Variants in UBE2E2 observed in about 807,000 individuals in gnomAD.
UBE2E2 encodes ubiquitin-conjugating enzyme E2 E2.
A neutral mutation model predicts 24.7 loss-of-function variants in UBE2E2; 6 were observed. That is an observed-to-expected ratio of 0.24 (90% CI 0.13 to 0.48). The LOEUF (loss-of-function observed/expected upper bound fraction) is 0.48. Among genes scored for constraint, UBE2E2 ranks in the 20% least tolerant of loss-of-function variants. The probability of loss-of-function intolerance (pLI) is 0.99; values close to 1 mark genes in which losing one functional copy is unlikely to be tolerated. For synonymous variants in UBE2E2, 104 were observed against 83.6 expected (o/e 1.24, Z -1.33); for missense variants, 169 against 245.0 (o/e 0.69, Z 2.07).
rs150426475 is a variant in UBE2E2 at position 23,521,144 on chromosome 3, G to A, written c.361-11410G>A. ...TAAAATGTATTACTCCTTTCCTGAA[G>A]GATGGAGTAATCCTGTACATTATTT... On this transcript the variant is annotated intron_variant, in intron 4 of 5. Transcript: ENST00000396703. Among the ~76,000 whole-genome samples, 85 of 152,250 alleles carry A rather than the reference G, an allele frequency of 5.6e-4. 3 individuals are homozygous for A. In the East Asian group the frequency reaches 0.015, roughly 27 times the overall value.
intron 3 of UBE2E2, among the ~76,000 whole-genome samples, chr3:23,392,667 T>C (rs916766017): frequency 6.6e-6 from 1 of 152,096 alleles, no homozygotes; most frequent in Non-Finnish European, 1.5e-5. Context: ...TAAACAAATA[T>C]ATGAAGAAGT....
chr3:23,399,309 A>G (rs1332579544), intron 3 of UBE2E2, among the ~76,000 whole-genome samples: 2 of 152,194 alleles, frequency 1.3e-5, no homozygotes, highest in African/African-American at 4.8e-5. Context: ...TAAATAAAAT[A>G]AGAGTTACTT....
intron 3 of UBE2E2, among the ~76,000 whole-genome samples, chr3:23,376,536 A>G (rs1696525217): frequency 6.6e-6 from 1 of 152,218 alleles, no homozygotes; most frequent in South Asian, 2.1e-4. Context: ...TTCTGTGGAA[A>G]ATAGTCTAAT....
At chr3:23,252,094 T>TA (rs1298721893) in intron 3 of UBE2E2, among the ~76,000 whole-genome samples, 4 of 152,218 alleles carry the variant, frequency 2.6e-5, no homozygotes, top group African/African-American at 4.8e-5. Flanking sequence ...AACAAAAAAA[T>TA]TAGTTAAACT....
At chr3:23,540,387 CTTTTGTTT>C (rs898513166) in intron 5 of UBE2E2, among the ~76,000 whole-genome samples, 7 of 133,848 alleles carry the variant, frequency 5.2e-5, no homozygotes, top group African/African-American at 2.2e-4. Flanking sequence ...GTTTGATGCC[CTTTTGTTT>C]GTTTGTTTGT....
At chr3:23,290,192 T>A (rs1402138785) in intron 3 of UBE2E2, among the ~76,000 whole-genome samples, 1 of 152,226 alleles carries the variant, frequency 6.6e-6, no homozygotes, top group East Asian at 1.9e-4. Context: ...GTTAGATTGG[T>A]AACTATGAGG....
intron 3 of UBE2E2, among the ~76,000 whole-genome samples, chr3:23,397,727 G>A (rs1285443914): frequency 6.6e-6 from 1 of 152,180 alleles, no homozygotes; most frequent in African/African-American, 2.4e-5. Context: ...TTTCTTTGAA[G>A]TAGTATTCCA....
In UBE2E2 at chr3:23,476,130, G is replaced by A. The variant is rs182209992; in HGVS notation, c.228-23478G>A. ...CCACCAAGCAAATTTTTTGTAAAGT[G>A]GATTTTCGTTCCCTTACCTAACTTA... On this transcript the variant is annotated intron_variant, in intron 3 of 5. Transcript: ENST00000396703. 1.9e-4 allele frequency among the ~76,000 whole-genome samples: 29 copies of A among 152,088 alleles called. No homozygotes were observed. In the East Asian group the frequency reaches 5.0e-3, roughly 26 times the overall value.
At chr3:23,436,095 A>G (rs1698174920) in intron 3 of UBE2E2, among the ~76,000 whole-genome samples, 1 of 152,130 alleles carries the variant, frequency 6.6e-6, no homozygotes, top group Non-Finnish European at 1.5e-5. Flanking sequence ...CTTGCTCCCC[A>G]GCCGCTCACC....
chr3:23,376,289 C>T (rs894391976), intron 3 of UBE2E2, among the ~76,000 whole-genome samples: 2 of 152,032 alleles, frequency 1.3e-5, no homozygotes, highest in East Asian at 1.9e-4. Flanking sequence ...AGACTTTTTG[C>T]GTGGATTTGT....
intron 3 of UBE2E2, among the ~76,000 whole-genome samples, chr3:23,329,600 A>AAT (rs1695005865): frequency 6.6e-6 from 1 of 152,252 alleles, no homozygotes; most frequent in African/African-American, 2.4e-5. Flanking sequence ...CTAATTAGAT[A>AAT]CAACAACTAA....
At chr3:23,267,462 G>T (rs1486104728) in intron 3 of UBE2E2, among the ~76,000 whole-genome samples, 2 of 152,172 alleles carry the variant, frequency 1.3e-5, no homozygotes, top group African/African-American at 4.8e-5. Flanking sequence ...TAGAAGAAAT[G>T]GATAAATTCC....
At chr3:23,433,170 C>G (rs1267978075) in intron 3 of UBE2E2, among the ~76,000 whole-genome samples, 1 of 151,876 alleles carries the variant, frequency 6.6e-6, no homozygotes, top group African/African-American at 2.4e-5. Flanking sequence ...GGCACTGTTT[C>G]AGGCACCTAG....
intron 3 of UBE2E2, among the ~76,000 whole-genome samples, chr3:23,234,045 G>C (rs1282969199): frequency 6.6e-6 from 1 of 152,054 alleles, no homozygotes; most frequent in Non-Finnish European, 1.5e-5. Context: ...GTATTGGCCA[G>C]ATGTATCTTA....
chr3:23,455,218 A>G (rs984276711), intron 3 of UBE2E2, among the ~76,000 whole-genome samples: 2 of 152,216 alleles, frequency 1.3e-5, no homozygotes, highest in African/African-American at 2.4e-5. Context: ...CTCTGTGTCT[A>G]CCACACAAGT....
intron 3 of UBE2E2, among the ~76,000 whole-genome samples, chr3:23,359,924 G>T (rs1239217702): frequency 6.6e-6 from 1 of 152,054 alleles, no homozygotes; most frequent in Admixed American, 6.6e-5. Flanking sequence ...AATTGTTAAG[G>T]GTATGGAGAA....
At chr3:23,257,074 A>G (rs1697745793) in intron 3 of UBE2E2, among the ~76,000 whole-genome samples, 1 of 152,104 alleles carries the variant, frequency 6.6e-6, no homozygotes. Context: ...GCTTTTATGG[A>G]CCATGTATTC....
intron 3 of UBE2E2, among the ~76,000 whole-genome samples, chr3:23,275,855 A>G (rs1698363596): frequency 6.6e-6 from 1 of 152,038 alleles, no homozygotes; most frequent in Non-Finnish European, 1.5e-5. Flanking sequence ...TTGAAATAGA[A>G]TATATGTTGC....
intron 5 of UBE2E2, among the ~76,000 whole-genome samples, chr3:23,537,682 A>C (rs1402862440): frequency 6.6e-6 from 1 of 152,164 alleles, no homozygotes; most frequent in Non-Finnish European, 1.5e-5. Flanking sequence ...CAGATCACTT[A>C]AGGCCCTTTT....
Sources: gnomAD v4.1 joint callset for allele counts (sites outside exome capture counted in the v4.1 genomes callset) on GRCh38, gnomAD v4.1.1 for gene constraint, MANE v1.5 for transcripts, NCBI Gene and HGNC (gene_info 2026-07-23, HGNC 2026-07-21) for gene names.